Variants in FOXN3 observed in about 807,000 individuals in gnomAD.
The protein encoded by FOXN3 is forkhead box N3, also known as forkhead box protein N3.
Under a neutral mutation model 38.4 loss-of-function variants are expected in FOXN3, and 7 were observed. That is an observed-to-expected ratio of 0.18 (90% CI 0.10 to 0.34). The LOEUF is 0.34. Among genes scored for constraint, FOXN3 ranks in the 10% least tolerant of loss-of-function variants. The pLI, the probability that FOXN3 is intolerant of heterozygous loss-of-function variation, is 1.00. For missense variants in FOXN3, 456 were observed against 613.4 expected (o/e 0.74, Z 2.71); for synonymous variants, 230 against 242.2 (o/e 0.95, Z 0.47).
At chr14:89,549,717 G>T (rs1274119393) in intron 1 of FOXN3, among the ~76,000 whole-genome samples, 2 of 152,192 alleles carry the variant, frequency 1.3e-5, no homozygotes, top group Non-Finnish European at 2.9e-5. Context: ...TTTCTTTTCA[G>T]ATTCAAGGCA....
chr14:89,416,347 G>A (rs903806307), intron 1 of FOXN3, among the ~76,000 whole-genome samples: 1 of 152,208 alleles, frequency 6.6e-6, no homozygotes, highest in African/African-American at 2.4e-5. Flanking sequence ...CCGCACCGCG[G>A]CGAGCCTCGA....
At chr14:89,288,652 CTGTAAT>C (rs1886718308) in intron 3 of FOXN3, among the ~76,000 whole-genome samples, 1 of 51,254 alleles carries the variant, frequency 2.0e-5, no homozygotes, top group Non-Finnish European at 3.9e-5. Flanking sequence ...ACTCCAAAGG[CTGTAAT>C]AGGCACTCTC....
At chr14:89,498,611 C>T (rs17125931) in intron 1 of FOXN3, among the ~76,000 whole-genome samples, 21,861 of 152,082 alleles carry the variant, frequency 0.14, 3,502 homozygotes, top group African/African-American at 0.4. Flanking sequence ...GACCTCCTCC[C>T]GAATTACCCT....
chr14:89,437,186 C>CA (rs976823157), intron 1 of FOXN3, among the ~76,000 whole-genome samples: 5 of 124,858 alleles, frequency 4.0e-5, no homozygotes, highest in African/African-American at 1.2e-4. Flanking sequence ...AAAAACAAAA[C>CA]AAAACAAAAA....
chr14:89,524,266 C>T (rs1486416521), intron 1 of FOXN3, among the ~76,000 whole-genome samples: 3 of 142,438 alleles, frequency 2.1e-5, no homozygotes, highest in East Asian at 2.1e-4. Context: ...CCCAGCTACT[C>T]GGGAGGCTGA....
chr14:89,466,348 C>T (rs1892975344), intron 1 of FOXN3, among the ~76,000 whole-genome samples: 1 of 152,220 alleles, frequency 6.6e-6, no homozygotes, highest in African/African-American at 2.4e-5. Context: ...TTGCCACAAA[C>T]TAAAATGAAG....
chr14:89,187,410 C>G (rs1887836301), intron 4 of FOXN3, among the ~76,000 whole-genome samples: 1 of 152,202 alleles, frequency 6.6e-6, no homozygotes, highest in Non-Finnish European at 1.5e-5. Flanking sequence ...TAGAGAAGAC[C>G]TGGGATATAT....
chr14:89,505,883 T>G (rs1383829852), intron 1 of FOXN3, among the ~76,000 whole-genome samples: 1 of 133,388 alleles, frequency 7.5e-6, no homozygotes, highest in Non-Finnish European at 1.6e-5. Context: ...GCCTCTGCCC[T>G]GCCGCCCCGT....
At chr14:89,331,439 C>T (rs1888244367) in intron 3 of FOXN3, among the ~76,000 whole-genome samples, 1 of 152,180 alleles carries the variant, frequency 6.6e-6, no homozygotes, top group South Asian at 2.1e-4. Context: ...ACGTTTTGTT[C>T]ATCCACCACC....
chr14:89,363,522 C>T (rs1287758177), intron 2 of FOXN3, among the ~76,000 whole-genome samples: 1 of 152,230 alleles, frequency 6.6e-6, no homozygotes, highest in Non-Finnish European at 1.5e-5. Flanking sequence ...ATGGACAAAC[C>T]ACTTGTCCTC....
intron 4 of FOXN3, among the ~76,000 whole-genome samples, chr14:89,221,642 T>C (rs1233941645): frequency 1.3e-5 from 2 of 152,240 alleles, no homozygotes; most frequent in Non-Finnish European, 2.9e-5. Flanking sequence ...TTTGTCAGAC[T>C]TTCGCCACTG....
At chr14:89,192,284 A>T (rs575861724) in intron 4 of FOXN3, among the ~76,000 whole-genome samples, 1 of 146,280 alleles carries the variant, frequency 6.8e-6, no homozygotes, top group South Asian at 2.1e-4. Context: ...ACTTATATAT[A>T]CTATATAATA....
intron 3 of FOXN3, among the ~76,000 whole-genome samples, chr14:89,337,304 G>C (rs1888489897): frequency 6.6e-6 from 1 of 152,202 alleles, no homozygotes; most frequent in Admixed American, 6.5e-5. Flanking sequence ...GCAAGATTGG[G>C]AGCTGGGAGG....
At chr14:89,243,542 T>C (rs569952227) in intron 4 of FOXN3, among the ~76,000 whole-genome samples, 2 of 152,344 alleles carry the variant, frequency 1.3e-5, no homozygotes, top group South Asian at 4.1e-4. Context: ...TATTGTGTTA[T>C]TTTATGAAGA....
chr14:89,521,723 T>C (rs1280880802), intron 1 of FOXN3, among the ~76,000 whole-genome samples: 2 of 151,544 alleles, frequency 1.3e-5, no homozygotes, highest in East Asian at 3.9e-4. Context: ...ATTGTCAAAC[T>C]TCCAAAAAAA....
intron 4 of FOXN3, chr14:89,223,279 A>G (rs1596113128): frequency 1.3e-5 from 2 of 152,558 alleles, no homozygotes; most frequent in Middle Eastern, 6.8e-3. Context: ...TCCAGTGGGA[A>G]GAGCACTAGT....
chr14:89,204,089 AC>A (rs1360930234), intron 4 of FOXN3, among the ~76,000 whole-genome samples: 4 of 145,888 alleles, frequency 2.7e-5, no homozygotes, highest in African/African-American at 1.1e-4. Context: ...ACACACACAC[AC>A]ACACACACAC....
At chr14:89,511,122 G>T (rs1566680732) in intron 1 of FOXN3, among the ~76,000 whole-genome samples, 1 of 37,780 alleles carries the variant, frequency 2.6e-5, no homozygotes, top group Non-Finnish European at 1.2e-4. Context: ...CCTGCTTGGT[G>T]TCTTTCTTTC....
At chr14:89,502,959 C>A (rs974926590) in intron 1 of FOXN3, among the ~76,000 whole-genome samples, 1 of 152,188 alleles carries the variant, frequency 6.6e-6, no homozygotes, top group Non-Finnish European at 1.5e-5. Context: ...TAAAAGCCCT[C>A]TTTTATGAGT....
Sources: gnomAD v4.1 joint callset for allele counts (sites outside exome capture counted in the v4.1 genomes callset) on GRCh38, gnomAD v4.1.1 for gene constraint, MANE v1.5 for transcripts, NCBI Gene and HGNC (gene_info 2026-07-23, HGNC 2026-07-21) for gene names.